Variants in TNIK observed in about 807,000 individuals in gnomAD.
The protein encoded by TNIK is TRAF2 and NCK interacting kinase.
In TNIK, 49 loss-of-function variants were observed where a neutral mutation model predicts 191.3. The ratio of observed to expected loss-of-function variants is 0.26; its 90% CI spans 0.20 to 0.32. TNIK has a LOEUF of 0.32. Ranked by LOEUF, TNIK falls within the 10% of genes least tolerant of loss-of-function variation. The pLI is 1.00. For missense variants in TNIK, 1,155 were observed against 1,702.3 expected (o/e 0.68, Z 5.66); for synonymous variants, 594 against 600.9 (o/e 0.99, Z 0.17).
Position 171,125,925 on chromosome 3 carries a change from T to C in TNIK, c.2000A>G (p.Asp667Gly). 6.2e-7 allele frequency: 1 copy of C among 1,614,002 alleles called. No homozygotes were observed. The change falls in exon 17 of 33, where the codon GAC becomes GGC. Residue 667 changes from aspartate to glycine, a missense_variant. Physicochemically the swap from Asp to Gly is moderately conservative, Grantham distance 94. Transcript: ENST00000436636. Reference protein sequence around the residue: ...DRSSWLRQEEDIPPKVPQRTT... With the variant: ...DRSSWLRQEEGIPPKVPQRTT... The stretch of plus-strand genomic sequence containing the variant: ...AGTAAATATTACCTTTGGTGGAATG[T>C]CTTCTTCCTGTCGTAACCAAGAGCT...
At position 171,190,692 on chromosome 3, in the gene TNIK, C is replaced by T. The variant is rs192028546; in HGVS notation, c.508+5G>A. 4 of 1,580,792 alleles carry T rather than the reference C, an allele frequency of 2.5e-6. No homozygotes were observed. The South Asian group carries it at 3.5e-5, about 14-fold the overall frequency. Reference sequence around the variant, plus strand: ...ATTCCAAGGCTCACAGGATTCTGCTCTTACCTAGTTTAACTTCTGCATTTT... The same window carrying T: ...ATTCCAAGGCTCACAGGATTCTGCTTTTACCTAGTTTAACTTCTGCATTTT... On this transcript the variant is annotated splice_donor_5th_base_variant and intron_variant, in intron 6 of 32. Coordinates refer to ENST00000436636, the MANE Select transcript of TNIK (RefSeq NM_015028.4).
chr3:171,342,907 T>C (rs1186226990), intron 2 of TNIK, among the ~76,000 whole-genome samples: 1 of 152,174 alleles, frequency 6.6e-6, no homozygotes, highest in African/African-American at 2.4e-5. Context: ...TGAGTAAGTC[T>C]CATGAGATCT....
chr3:171,444,581 A>C (rs1466696022), intron 1 of TNIK, among the ~76,000 whole-genome samples: 1 of 151,962 alleles, frequency 6.6e-6, no homozygotes, highest in Non-Finnish European at 1.5e-5. Flanking sequence ...TGCTAAAAAA[A>C]AAAAAAAAAA....
chr3:171,107,273 G>A, intron 20 of TNIK, 67 bp from the exon 21 acceptor site: 1 of 1,492,386 alleles, frequency 6.7e-7, no homozygotes, highest in Non-Finnish European at 9.2e-7. Flanking sequence ...AAAGGCAGCA[G>A]ATTAGACACA....
chr3:171,399,313 C>G (rs990844497), intron 1 of TNIK, among the ~76,000 whole-genome samples: 1 of 152,110 alleles, frequency 6.6e-6, no homozygotes, highest in Non-Finnish European at 1.5e-5. Context: ...TAGATGCAAA[C>G]AGGAGCAGGC....
chr3:171,197,024 G>T (rs1256317593), intron 4 of TNIK, among the ~76,000 whole-genome samples: 2 of 152,270 alleles, frequency 1.3e-5, no homozygotes, highest in African/African-American at 4.8e-5. Context: ...CAAAGTGTTG[G>T]GATTACAGGC....
chr3:171,290,225 G>A (rs1751532508), intron 2 of TNIK, among the ~76,000 whole-genome samples: 2 of 152,238 alleles, frequency 1.3e-5, no homozygotes, highest in African/African-American at 4.8e-5. Flanking sequence ...AAATACCTAT[G>A]GTTGAATGAT....
chr3:171,150,078 C>T (rs893015564), intron 12 of TNIK, among the ~76,000 whole-genome samples: 7 of 152,164 alleles, frequency 4.6e-5, no homozygotes, highest in African/African-American at 1.2e-4. Flanking sequence ...AAAACCCACA[C>T]GATTTTCCTG....
intron 4 of TNIK, among the ~76,000 whole-genome samples, chr3:171,205,093 T>C (rs1739891868): frequency 6.6e-6 from 1 of 152,214 alleles, no homozygotes; most frequent in South Asian, 2.1e-4. Flanking sequence ...ATTGTTCTTA[T>C]TAACAGAGAA....
chr3:171,434,460 T>C (rs1725770355), intron 1 of TNIK, among the ~76,000 whole-genome samples: 1 of 150,254 alleles, frequency 6.7e-6, no homozygotes, highest in Admixed American at 6.6e-5. Flanking sequence ...TATTTATTTA[T>C]TTATTTATTT....
At chr3:171,304,984 T>A (rs534049782) in intron 2 of TNIK, among the ~76,000 whole-genome samples, 2 of 140,312 alleles carry the variant, frequency 1.4e-5, no homozygotes, top group South Asian at 2.2e-4. Context: ...GTTGTGTACA[T>A]GTACCCTAAA....
intron 5 of TNIK, among the ~76,000 whole-genome samples, chr3:171,191,660 G>A (rs972441737): frequency 6.6e-5 from 10 of 152,228 alleles, no homozygotes; most frequent in African/African-American, 2.2e-4. Flanking sequence ...TCTTTTGTTG[G>A]CATTCATCAC....
chr3:171,137,881 C>A (rs1483830720), intron 15 of TNIK, among the ~76,000 whole-genome samples: 1 of 145,748 alleles, frequency 6.9e-6, no homozygotes, highest in Admixed American at 7.1e-5. Flanking sequence ...CTCCATGCCA[C>A]AAATTCAATT....
intron 1 of TNIK, among the ~76,000 whole-genome samples, chr3:171,377,831 C>T (rs968530014): frequency 1.3e-5 from 2 of 152,206 alleles, no homozygotes; most frequent in Non-Finnish European, 2.9e-5. Context: ...ACATACTGCT[C>T]TTGCTGGTGG....
At chr3:171,448,305 T>C (rs1048898876) in intron 1 of TNIK, among the ~76,000 whole-genome samples, 2 of 152,224 alleles carry the variant, frequency 1.3e-5, no homozygotes, top group African/African-American at 4.8e-5. Flanking sequence ...CAGCAAGCAT[T>C]AGTCTACCTT....
Position 171,067,714 on chromosome 3 carries a change from T to A in TNIK, c.3700-979A>T, listed in dbSNP as rs184430669. On this transcript the variant is annotated intron_variant, in intron 30 of 32. Transcript: ENST00000436636. Reference sequence around the variant, plus strand: ...AAATCACTATTGAAATAAGTGTATATTAATTTGTTCTAGGAAAGGAAATGT... The same window carrying A: ...AAATCACTATTGAAATAAGTGTATAATAATTTGTTCTAGGAAAGGAAATGT... 2.2e-3 allele frequency among the ~76,000 whole-genome samples: 332 copies of A among 151,720 alleles called. 2 individuals carry two copies. Among genetic ancestry groups the A allele is most frequent in the African/African-American group, 7.5e-3 (311 of 41,340 alleles).
chr3:171,317,963 C>T (rs937827100), intron 2 of TNIK, among the ~76,000 whole-genome samples: 3 of 152,136 alleles, frequency 2.0e-5, no homozygotes, highest in Admixed American at 6.6e-5. Context: ...GGAAAGGAAA[C>T]GTGTGTGCTT....
chr3:171,308,434 GTAAAACT>G (rs1228184270), intron 2 of TNIK, among the ~76,000 whole-genome samples: 3 of 152,166 alleles, frequency 2.0e-5, no homozygotes, highest in African/African-American at 7.2e-5. Flanking sequence ...AAATTTCAAT[GTAAAACT>G]TAAAACTATA....
chr3:171,256,453 A>G (rs1746883509), intron 2 of TNIK, among the ~76,000 whole-genome samples: 1 of 152,208 alleles, frequency 6.6e-6, no homozygotes, highest in South Asian at 2.1e-4. Context: ...TCTTAACCAA[A>G]CGAGATGCCT....
Sources: gnomAD v4.1 joint callset for allele counts (sites outside exome capture counted in the v4.1 genomes callset) on GRCh38, gnomAD v4.1.1 for gene constraint, MANE v1.5 for transcripts, NCBI Gene and HGNC (gene_info 2026-07-23, HGNC 2026-07-21) for gene names.